Variants in AIDA observed in about 807,000 individuals in gnomAD.
AIDA encodes axin interactor, dorsalization-associated protein.
AIDA carries 18 observed loss-of-function variants against 42.7 expected under a neutral mutation model. That is an observed-to-expected ratio of 0.42 (90% CI 0.29 to 0.63). The LOEUF is 0.63. Among genes scored for constraint, AIDA ranks in the 20% least tolerant of loss-of-function variants. The pLI, the probability that AIDA is intolerant of heterozygous loss-of-function variation, is 0.19. For missense variants in AIDA, 250 were observed against 354.1 expected, an observed-to-expected ratio of 0.71 and a Z score of 2.36; for synonymous variants, 104 against 122.9, an observed-to-expected ratio of 0.85 and a Z score of 1.02.
intron 1 of AIDA, among the ~76,000 whole-genome samples, chr1:222,703,989 G>C (rs1479738386): frequency 5.3e-5 from 8 of 152,160 alleles, no homozygotes; most frequent in Admixed American, 5.2e-4. Context: ...CAAAGGATTT[G>C]AATAGATAGT....
At chr1:222,674,754 G>A (rs984222033) in intron 7 of AIDA, among the ~76,000 whole-genome samples, 15 of 152,144 alleles carry the variant, frequency 9.9e-5, no homozygotes, top group Admixed American at 7.9e-4. Flanking sequence ...CTCATTTAAT[G>A]ACTACTCAAG....
intron 2 of AIDA, among the ~76,000 whole-genome samples, chr1:222,699,979 C>T (rs1280536257): frequency 1.3e-5 from 2 of 152,110 alleles, no homozygotes; most frequent in Non-Finnish European, 2.9e-5. Flanking sequence ...ACCGTGAATT[C>T]GATCTCCTGA....
In AIDA at chr1:222,669,039, G is replaced by A. The variant is rs1323420547; in HGVS notation, c.*854C>T. ...CAGTTGTCAGAAAAACAGCAGTTAT[G>A]CCTGCAGTATCTCGTTAGCATCTGA... On this transcript the variant is annotated 3_prime_UTR_variant, in exon 10 of 10. Transcript: ENST00000340020. The A allele has an allele frequency of 6.6e-6, 1 of 152,120 alleles. No homozygotes were observed. Among genetic ancestry groups the A allele is most frequent in the African/African-American group, 2.4e-5 (1 of 41,388 alleles). 9.4% of individuals were successfully genotyped at this position (152,120 alleles called of 1,614,324 possible).
At chr1:222,684,404 G>C (rs1416301240) in intron 6 of AIDA, among the ~76,000 whole-genome samples, 1 of 152,146 alleles carries the variant, frequency 6.6e-6, no homozygotes, top group East Asian at 1.9e-4. Flanking sequence ...GAGCCACTGT[G>C]CCCAGCCAAG....
At position 222,686,418 on chromosome 1, in the gene AIDA, C is replaced by T. The variant is rs917710325; in HGVS notation, c.460+512G>A. On this transcript the variant is annotated intron_variant, in intron 6 of 9. Transcript: ENST00000340020. Reference sequence around the variant, plus strand: ...GTCTGGAATTGTGGTCTGTGCCAGGCAGAAGGTACCCACATAATCAGTCCC... The same window carrying T: ...GTCTGGAATTGTGGTCTGTGCCAGGTAGAAGGTACCCACATAATCAGTCCC... Among the ~76,000 whole-genome samples, 3 of 152,116 alleles carry T rather than the reference C, an allele frequency of 2.0e-5. No homozygotes were observed. The East Asian group carries it at 5.8e-4, about 29-fold the overall frequency.
chr1:222,668,841 TA>T lies in AIDA; in HGVS notation c.*1051del, dbSNP rs1235085301. 1 of 148,748 alleles carries T rather than the reference TA, an allele frequency of 6.7e-6. No individual in the cohort carries two copies. Among genetic ancestry groups the T allele is most frequent in the Non-Finnish European group, 1.5e-5 (1 of 67,204 alleles). 9.2% of individuals were successfully genotyped at this position (148,748 alleles called of 1,614,324 possible). A position where few individuals can be genotyped will look rare whatever the true frequency, so the allele number is the denominator to read the frequency against. On this transcript the variant is annotated 3_prime_UTR_variant, in exon 10 of 10. Transcript: ENST00000340020. ...TATTTATGCCCCATTAAGTCAAAAG[TA>T]AATTATAGTAAGCTAATGACCTGCA...
chr1:222,690,769 A>G (rs1655349228), intron 4 of AIDA, among the ~76,000 whole-genome samples: 1 of 151,994 alleles, frequency 6.6e-6, no homozygotes, highest in Admixed American at 6.6e-5. Context: ...CAGTATATTC[A>G]TTCTTATGTA....
intron 1 of AIDA, among the ~76,000 whole-genome samples, chr1:222,709,139 AT>A (rs1482501994): frequency 6.6e-6 from 1 of 152,152 alleles, no homozygotes; most frequent in Non-Finnish European, 1.5e-5. Context: ...CAGAAAATGT[AT>A]TTTCAACTGT....
intron 6 of AIDA, among the ~76,000 whole-genome samples, chr1:222,686,240 A>AC (rs1655177767): frequency 6.6e-6 from 1 of 152,236 alleles, no homozygotes; most frequent in Non-Finnish European, 1.5e-5. Flanking sequence ...TAAGACTGTT[A>AC]TTCTTAGAAA....
chr1:222,712,376 G>T lies in AIDA; in HGVS notation c.-59C>A, dbSNP rs1159643360. 6.7e-7 allele frequency: 1 copy of T among 1,492,888 alleles called. No individual in the cohort carries two copies. The highest frequency in any genetic ancestry group is 2.2e-5 in the Admixed American group (1 of 45,520). The allele number at this position is 1,492,888 out of a possible 1,614,324, so 92.5% of individuals were successfully genotyped here. On this transcript the variant is annotated 5_prime_UTR_variant, in exon 1 of 10. Coordinates refer to ENST00000340020, the MANE Select transcript of AIDA (RefSeq NM_022831.4). ...CCCCAGCAAGGCCGGGTTCTAGGGCGCCATCCTCCCCCGGCCTGGCCCCGA... is the reference window on the plus strand; with the variant it reads ...CCCCAGCAAGGCCGGGTTCTAGGGCTCCATCCTCCCCCGGCCTGGCCCCGA...
intron 2 of AIDA, among the ~76,000 whole-genome samples, chr1:222,697,690 AG>A (rs1167978335): frequency 6.6e-6 from 1 of 152,202 alleles, no homozygotes; most frequent in Non-Finnish European, 1.5e-5. Context: ...ACGATTAAAG[AG>A]CTAAGTTAAT....
At chr1:222,690,825 G>A (rs1655350592) in intron 4 of AIDA, among the ~76,000 whole-genome samples, 2 of 152,024 alleles carry the variant, frequency 1.3e-5, no homozygotes, top group Non-Finnish European at 2.9e-5. Context: ...TCTGAGGCTG[G>A]TGTCTAGATT....
chr1:222,699,775 CTT>C (rs777454792), intron 2 of AIDA, among the ~76,000 whole-genome samples: 16 of 143,300 alleles, frequency 1.1e-4, no homozygotes, highest in Non-Finnish European at 1.1e-4. Context: ...GAAAATTAAA[CTT>C]TTTTTTTTTT....
chr1:222,684,246 A>C (rs570173874), intron 6 of AIDA, among the ~76,000 whole-genome samples: 6 of 152,004 alleles, frequency 3.9e-5, no homozygotes, highest in African/African-American at 1.4e-4. Context: ...CAAGTAGCTG[A>C]GATTACAGGT....
intron 6 of AIDA, among the ~76,000 whole-genome samples, chr1:222,678,203 GTGTGTGTGTGTGTGT>G (rs1558208202): frequency 9.3e-3 from 143 of 15,326 alleles, no homozygotes; most frequent in Middle Eastern, 0.056. Flanking sequence ...ATCTTGGGGT[GTGTGTGTGTGTGTGT>G]GTGTGTGTGT....
chr1:222,670,271 A>T, intron 8 of AIDA, 21 bp from the exon 9 acceptor site: 1 of 1,576,740 alleles, frequency 6.3e-7, no homozygotes, highest in Non-Finnish European at 8.7e-7. Context: ...AAAACAAGCC[A>T]CATAAACCAC....
At chr1:222,684,535 T>C (rs1241155454) in intron 6 of AIDA, among the ~76,000 whole-genome samples, 1 of 152,226 alleles carries the variant, frequency 6.6e-6, no homozygotes. Flanking sequence ...GCTATTTCAA[T>C]GACATTTTCA....
At chr1:222,673,893 G>GACCA (rs954429329) in intron 7 of AIDA, among the ~76,000 whole-genome samples, 10 of 152,104 alleles carry the variant, frequency 6.6e-5, no homozygotes, top group Non-Finnish European at 1.3e-4. Context: ...AGACTAGCCT[G>GACCA]ACCAACATGG....
At position 222,687,633 on chromosome 1, in the gene AIDA, A is replaced by C. The variant is rs1243244484; in HGVS notation, c.315T>G (p.Asn105Lys). The C allele has an allele frequency of 6.7e-7, 1 of 1,495,942 alleles. No individual in the cohort carries two copies. The highest frequency in any genetic ancestry group is 9.1e-7 in the Non-Finnish European group (1 of 1,101,374). The allele number at this position is 1,495,942 out of a possible 1,614,324, so 92.7% of individuals were successfully genotyped here. A position where few individuals can be genotyped will look rare whatever the true frequency, so the allele number is the denominator to read the frequency against. The change falls in exon 5 of 10, where the codon AAT (asparagine) becomes AAG (lysine). Residue 105 changes from asparagine (N) to lysine (K), a missense_variant. Asn to Lys is a moderately conservative substitution (Grantham distance 94). Around this residue, in one of 4 missense-constraint regions of AIDA, gnomAD observed 199 missense variants for 232.6 expected, o/e 0.86. Transcript: ENST00000340020. ...EPILKNILTY[N>K]KEFPFDVQPV... ...GCTGAACATCAAATGGGAATTCTTTATTATATGTAAGAATATTCTTTAGGA... is the reference window on the plus strand; with the variant it reads ...GCTGAACATCAAATGGGAATTCTTTCTTATATGTAAGAATATTCTTTAGGA...
Sources: gnomAD v4.1 joint callset for allele counts (sites outside exome capture counted in the v4.1 genomes callset) on GRCh38, gnomAD v4.1.1 for gene constraint, gnomAD v4.1.1 regional missense constraint, MANE v1.5 for transcripts, NCBI Gene and HGNC (gene_info 2026-07-23, HGNC 2026-07-21) for gene names.